Variants in TRAP1 observed in about 807,000 individuals in gnomAD.
TRAP1 encodes the protein heat shock protein 75 kDa, mitochondrial.
TRAP1 carries 102 observed loss-of-function variants against 89.1 expected under a neutral mutation model. That is an observed-to-expected ratio of 1.15 (90% confidence interval 0.98 to 1.35). The LOEUF is 1.35. Ranked by LOEUF, TRAP1 falls within the 40% of genes most tolerant of loss-of-function variation. TRAP1 has a pLI of 0.00. For missense variants in TRAP1, 1,256 were observed against 945.3 expected, an observed-to-expected ratio of 1.33 and a Z score of -4.31; for synonymous variants, 508 against 388.0, an observed-to-expected ratio of 1.31 and a Z score of -3.64.
intron 17 of TRAP1, 102 bp downstream of exon 17, chr16:3,658,690 CA>C (rs1555460763): frequency 3.4e-6 from 4 of 1,180,708 alleles, no homozygotes; most frequent in Non-Finnish European, 3.6e-6. Flanking sequence ...AACAAACAAA[CA>C]AAAAGACAGG....
In TRAP1 at chr16:3,674,513, G is replaced by C. The variant is rs199534312; in HGVS notation, c.889-19C>G. 1.4e-5 allele frequency: 22 copies of C among 1,612,180 alleles called. No homozygotes were observed. Among genetic ancestry groups the C allele is most frequent in the Non-Finnish European group, 1.8e-5 (21 of 1,179,514 alleles). ...AGATGGCCTGGAAACGGAGATCGGC[G>C]GGGAGGGCGTCGTGTTCACCACGCA... On this transcript the variant is annotated intron_variant, in intron 8 of 17. Coordinates refer to ENST00000246957, the MANE Select transcript of TRAP1 (RefSeq NM_016292.3).
intron 2 of TRAP1, among the ~76,000 whole-genome samples, chr16:3,690,014 C>CTT (rs900787873): frequency 6.8e-6 from 1 of 148,078 alleles, no homozygotes; most frequent in African/African-American, 2.5e-5. Context: ...TATGTTCTTT[C>CTT]TTTTTTTTTT....
chr16:3,686,053 C>T lies in TRAP1; in HGVS notation c.414G>A (p.Leu138=). Residue 138 remains leucine (L), a synonymous_variant, in exon 4 of 18, where the codon CTG becomes CTA. Coordinates refer to ENST00000246957, the MANE Select transcript of TRAP1 (RefSeq NM_016292.3). ...TCTGCAAGTGAATCTCCATTTCTGG[C>T]AGTGCTTGGCCGTCAGACACCAGTT... ...RHKLVSDGQA[L]PEMEIHLQTN... 1.9e-6 allele frequency: 3 copies of T among 1,614,114 alleles called. No individual in the cohort carries two copies. Among genetic ancestry groups the T allele is most frequent in the Non-Finnish European group, 1.7e-6 (2 of 1,179,996 alleles).
chr16:3,710,176 G>A (rs768123082), intron 1 of TRAP1, among the ~76,000 whole-genome samples: 8 of 152,148 alleles, frequency 5.3e-5, no homozygotes, highest in African/African-American at 9.7e-5. Flanking sequence ...AGGGCACCTC[G>A]GAATAGTCAA....
At chr16:3,664,014 G>A (rs1596694732) in intron 13 of TRAP1, 1 of 413,100 alleles carries the variant, frequency 2.4e-6, no homozygotes, top group Non-Finnish European at 4.3e-6. Context: ...AGTGAGCCGA[G>A]ATCGCACCAC....
At chr16:3,706,471 T>C (rs1392290495) in intron 1 of TRAP1, among the ~76,000 whole-genome samples, 1 of 149,410 alleles carries the variant, frequency 6.7e-6, no homozygotes, top group Non-Finnish European at 1.5e-5. Flanking sequence ...TTTTTTTTTT[T>C]TTTTTTTGAG....
intron 1 of TRAP1, among the ~76,000 whole-genome samples, chr16:3,706,598 C>A (rs755301427): frequency 2.0e-5 from 3 of 151,310 alleles, no homozygotes; most frequent in African/African-American, 7.3e-5. Context: ...TGGCTGGGAC[C>A]ACAGGCATGT....
Position 3,662,926 on chromosome 16 carries a change from C to A in TRAP1, c.1750G>T (p.Ala584Ser). 6.2e-7 allele frequency: 1 copy of A among 1,613,070 alleles called. No individual in the cohort carries two copies. Among genetic ancestry groups the A allele is most frequent in the South Asian group, 1.1e-5 (1 of 91,074 alleles). Residue 584 changes from alanine (A) to serine (S), a missense_variant, in exon 15 of 18, where the codon GCC becomes TCC. Ala to Ser is a moderately conservative substitution (Grantham distance 99). Coordinates refer to ENST00000246957, the MANE Select transcript of TRAP1 (RefSeq NM_016292.3). ...LSEKETEELM[A>S]WMRNVLGSRV... ...GACCCCAGCACATTTCTCATCCAGG[C>A]CATGAGCTCCTCCGTCTCCTTCTCT...
chr16:3,669,153 G>A (rs1239701350), intron 11 of TRAP1, among the ~76,000 whole-genome samples: 2 of 152,210 alleles, frequency 1.3e-5, no homozygotes, highest in Non-Finnish European at 2.9e-5. Context: ...AATAATCCGG[G>A]AGTCAGCCCC....
chr16:3,706,251 G>T (rs75641859), intron 1 of TRAP1, among the ~76,000 whole-genome samples: 2,174 of 152,150 alleles, frequency 0.014, 58 homozygotes, highest in African/African-American at 0.05. Context: ...ACTGCACCAG[G>T]CCCAGCTTCC....
intron 1 of TRAP1, among the ~76,000 whole-genome samples, chr16:3,692,575 TAAAAGGTACAA>T (rs1567238745): frequency 7.1e-6 from 1 of 141,268 alleles, no homozygotes. Context: ...TTCATACTCC[TAAAAGGTACAA>T]AAACTTGCCT....
At chr16:3,708,341 C>A (rs1336771159) in intron 1 of TRAP1, among the ~76,000 whole-genome samples, 1 of 151,788 alleles carries the variant, frequency 6.6e-6, no homozygotes, top group African/African-American at 2.4e-5. Context: ...CAAAAAAAAA[C>A]AAAAATTAGC....
At chr16:3,708,173 G>A (rs1480468384) in intron 1 of TRAP1, among the ~76,000 whole-genome samples, 3 of 151,962 alleles carry the variant, frequency 2.0e-5, no homozygotes, top group East Asian at 1.9e-4. Context: ...ACTCCAGCCC[G>A]GATGACAAAG....
rs759568686 is a variant in TRAP1, at chr16:3,672,841, CCAT to C, written c.1045-24_1045-22del. On this transcript the variant is annotated intron_variant, in intron 9 of 17. Transcript: ENST00000246957. ...GGTTTCTGGGGGTGAGGAGAACACGCCATCATGCAGCACTGACCCTCCCCAGGC... is the reference window on the plus strand; with the variant it reads ...GGTTTCTGGGGGTGAGGAGAACACGCCATGCAGCACTGACCCTCCCCAGGC... 3 of 1,607,538 alleles carry C rather than the reference CCAT, an allele frequency of 1.9e-6. No homozygotes were observed. In the Admixed American group the frequency reaches 5.0e-5, roughly 27 times the overall value.
chr16:3,658,360 A>G, intron 17 of TRAP1, 130 bp from the exon 18 acceptor site: 3 of 721,752 alleles, frequency 4.2e-6, no homozygotes, highest in South Asian at 3.7e-5. Context: ...CTGCAACCTC[A>G]GGTGATCCCC....
chr16:3,698,256 T>A (rs779830848), intron 1 of TRAP1, among the ~76,000 whole-genome samples: 1 of 151,920 alleles, frequency 6.6e-6, no homozygotes, highest in Non-Finnish European at 1.5e-5. Flanking sequence ...ATTACATTAA[T>A]TGAATTGACA....
chr16:3,690,298 G>A (rs1022509309), intron 2 of TRAP1, among the ~76,000 whole-genome samples: 4 of 152,174 alleles, frequency 2.6e-5, no homozygotes, highest in South Asian at 2.1e-4. Flanking sequence ...GAGCCACTGT[G>A]CCTGGACTAT....
intron 1 of TRAP1, among the ~76,000 whole-genome samples, chr16:3,700,355 C>T (rs1484438482): frequency 1.3e-5 from 2 of 151,478 alleles, no homozygotes; most frequent in South Asian, 2.1e-4. Context: ...TTTGTAGAGA[C>T]GGGGTTTCTC....
At position 3,690,922 on chromosome 16, in the gene TRAP1, C is replaced by T. The variant is rs1242720706; in HGVS notation, c.152G>A (p.Trp51Ter). 12 of 1,592,336 alleles carry T rather than the reference C, an allele frequency of 7.5e-6. No individual in the cohort carries two copies. The highest frequency in any genetic ancestry group is 3.4e-5 in the South Asian group (3 of 88,118). ...AQLGPRRNPAWSLQAGRLFST... is the reference protein window; with the variant it reads ...AQLGPRRNPA Reference sequence around the variant, plus strand: ...GAACAGTCGTCCTGCCTGCAAGCTCCAGGCTGGGTTTCGCCTGGGGCCCAA... The same window carrying T: ...GAACAGTCGTCCTGCCTGCAAGCTCTAGGCTGGGTTTCGCCTGGGGCCCAA... Residue 51 changes from tryptophan (W) to a stop codon, truncating the protein, a stop_gained, in exon 2 of 18, where the codon TGG becomes TAG. Transcript: ENST00000246957. LOFTEE classifies it high-confidence loss of function.
Sources: gnomAD v4.1 joint callset for allele counts (sites outside exome capture counted in the v4.1 genomes callset) on GRCh38, gnomAD v4.1.1 for gene constraint, MANE v1.5 for transcripts, NCBI Gene and HGNC (gene_info 2026-07-23, HGNC 2026-07-21) for gene names.